The following WDR70 variants were observed in gnomAD, a reference collection of about 807,000 sequenced individuals.
WDR70 encodes the protein WD repeat-containing protein 70.
WDR70 carries 53 observed loss-of-function variants against 88.6 expected under a neutral mutation model. That is an observed-to-expected ratio of 0.60 (90% CI 0.48 to 0.75). The LOEUF is 0.75. WDR70 is among the 30% of genes least tolerant of loss of function. The pLI is 0.00. For synonymous variants in WDR70, 280 were observed against 270.0 expected (o/e 1.04, Z -0.36); for missense variants, 610 against 823.2 (o/e 0.74, Z 3.17).
intron 9 of WDR70, among the ~76,000 whole-genome samples, chr5:37,523,205 G>A (rs1554146534): frequency 1.3e-5 from 2 of 152,224 alleles, no homozygotes; most frequent in South Asian, 2.1e-4. Flanking sequence ...TGACCCCTGA[G>A]TAGCCTAACT....
chr5:37,453,881 T>C (rs1437658956), intron 7 of WDR70, among the ~76,000 whole-genome samples: 1 of 152,130 alleles, frequency 6.6e-6, no homozygotes, highest in Non-Finnish European at 1.5e-5. Flanking sequence ...CACCATACTG[T>C]CAAAAGTAGC....
At chr5:37,575,087 C>T (rs1359006426) in intron 9 of WDR70, among the ~76,000 whole-genome samples, 1 of 152,164 alleles carries the variant, frequency 6.6e-6, no homozygotes, top group Admixed American at 6.6e-5. Context: ...TCTCTGTGTC[C>T]ACAGCGCCCA....
rs188622952 is a variant in WDR70, at chr5:37,502,732, G to A, written c.841-13782G>A. Among the ~76,000 whole-genome samples the A allele has an allele frequency of 2.9e-3, 439 of 152,286 alleles. 2 individuals carry two copies. The highest frequency in any genetic ancestry group is 4.7e-3 in the Non-Finnish European group (318 of 68,020). The stretch of plus-strand genomic sequence containing the variant: ...GCATGGCACCAGCATCTGCTTTTGG[G>A]GAGGCCTGGGGAAGCTTTTACTCGT... On this transcript the variant is annotated intron_variant, in intron 8 of 17. Transcript: ENST00000265107.
At chr5:37,556,643 G>C (rs1282703081) in intron 9 of WDR70, among the ~76,000 whole-genome samples, 1 of 152,100 alleles carries the variant, frequency 6.6e-6, no homozygotes, top group African/African-American at 2.4e-5. Context: ...ATTTTATGCA[G>C]CTGTTAACAT....
intron 13 of WDR70, among the ~76,000 whole-genome samples, chr5:37,718,401 C>A (rs920354670): frequency 6.6e-6 from 1 of 152,238 alleles, no homozygotes; most frequent in Non-Finnish European, 1.5e-5. Flanking sequence ...AATTCTGCAC[C>A]CTGCTCACTT....
intron 9 of WDR70, among the ~76,000 whole-genome samples, chr5:37,557,823 G>A (rs1742335903): frequency 7.2e-5 from 2 of 27,886 alleles, no homozygotes; most frequent in African/African-American, 1.4e-4. Flanking sequence ...CCTTGCCAGA[G>A]TTGACTATAT....
intron 10 of WDR70, among the ~76,000 whole-genome samples, chr5:37,692,634 A>T (rs113078979): frequency 1.3e-5 from 2 of 152,202 alleles, no homozygotes; most frequent in African/African-American, 4.8e-5. Context: ...ATCTCAATAG[A>T]TGCAGAAAAG....
intron 17 of WDR70, among the ~76,000 whole-genome samples, chr5:37,751,621 T>C (rs1420393364): frequency 2.0e-5 from 3 of 152,224 alleles, no homozygotes; most frequent in African/African-American, 7.2e-5. Flanking sequence ...TACGTGGATA[T>C]AATGATTCTA....
rs148881925 is a variant in WDR70, at chr5:37,541,272, T to C, written c.917+24682T>C. ...TGAAAGGAAAAGTAAACCAGTAAAG[T>C]TAAGGACTTAATGAATGATTTTTTT... On this transcript the variant is annotated intron_variant, in intron 9 of 17. Coordinates refer to ENST00000265107, the MANE Select transcript of WDR70 (RefSeq NM_018034.4). 3.3e-3 allele frequency among the ~76,000 whole-genome samples: 505 copies of C among 152,282 alleles called. 2 individuals carry two copies. Among genetic ancestry groups the C allele is most frequent in the African/African-American group, 0.012 (482 of 41,536 alleles).
At chr5:37,575,829 C>G (rs1476174752) in intron 9 of WDR70, among the ~76,000 whole-genome samples, 1 of 152,178 alleles carries the variant, frequency 6.6e-6, no homozygotes, top group Non-Finnish European at 1.5e-5. Flanking sequence ...GCAAACCAAA[C>G]TTGCGATTGG....
At chr5:37,521,536 T>C (rs775887704) in intron 9 of WDR70, among the ~76,000 whole-genome samples, 1 of 152,208 alleles carries the variant, frequency 6.6e-6, no homozygotes, top group African/African-American at 2.4e-5. Context: ...ATCATTCTTA[T>C]GCCTTTGTGT....
chr5:37,693,121 A>G (rs1233340293), intron 10 of WDR70, among the ~76,000 whole-genome samples: 1 of 152,190 alleles, frequency 6.6e-6, no homozygotes, highest in Non-Finnish European at 1.5e-5. Flanking sequence ...AATTGCTACA[A>G]AGAGAATAAA....
intron 7 of WDR70, among the ~76,000 whole-genome samples, chr5:37,452,872 T>C (rs1176325901): frequency 6.6e-6 from 1 of 152,156 alleles, no homozygotes; most frequent in Non-Finnish European, 1.5e-5. Flanking sequence ...AACGCCCCCA[T>C]AGCTATTCAG....
At chr5:37,586,964 C>T (rs1004242402) in intron 9 of WDR70, among the ~76,000 whole-genome samples, 1 of 152,176 alleles carries the variant, frequency 6.6e-6, no homozygotes, top group Non-Finnish European at 1.5e-5. Flanking sequence ...CTATCTTATA[C>T]CATATCTTCC....
intron 13 of WDR70, among the ~76,000 whole-genome samples, chr5:37,715,041 C>A (rs1002012750): frequency 6.6e-6 from 1 of 152,102 alleles, no homozygotes; most frequent in South Asian, 2.1e-4. Flanking sequence ...TTAGTGGTTA[C>A]CTTTATTTTA....
At chr5:37,712,967 G>A (rs948210606) in intron 13 of WDR70, among the ~76,000 whole-genome samples, 21 of 152,110 alleles carry the variant, frequency 1.4e-4, no homozygotes, top group African/African-American at 3.6e-4. Context: ...CTCCCAAGGC[G>A]ATGAGTGAGC....
In WDR70 at chr5:37,492,342, C is replaced by T. The variant is rs1033259584; in HGVS notation, c.840+12355C>T. On this transcript the variant is annotated intron_variant, in intron 8 of 17. Transcript: ENST00000265107. Reference sequence around the variant, plus strand: ...ATATTTACTCATTTGTTCAGTGTTACAGTACATGGAAAGTAGTTTCAGAAT... The same window carrying T: ...ATATTTACTCATTTGTTCAGTGTTATAGTACATGGAAAGTAGTTTCAGAAT... Among the ~76,000 whole-genome samples, 6 of 152,282 alleles carry T rather than the reference C, an allele frequency of 3.9e-5. No homozygotes were observed. The East Asian group carries it at 7.7e-4, about 20-fold the overall frequency.
intron 5 of WDR70, among the ~76,000 whole-genome samples, chr5:37,397,206 TG>T (rs1330134732): frequency 7.4e-6 from 1 of 135,400 alleles, no homozygotes; most frequent in East Asian, 2.4e-4. Context: ...ACTGACAGCC[TG>T]TATTGAAAGA....
intron 5 of WDR70, among the ~76,000 whole-genome samples, chr5:37,411,486 G>A (rs1275494842): frequency 6.6e-6 from 1 of 152,124 alleles, no homozygotes; most frequent in Non-Finnish European, 1.5e-5. Context: ...AACACTTTGG[G>A]AGGCCAGGGC....
Sources: gnomAD v4.1 joint callset for allele counts (sites outside exome capture counted in the v4.1 genomes callset) on GRCh38, gnomAD v4.1.1 for gene constraint, MANE v1.5 for transcripts, NCBI Gene and HGNC (gene_info 2026-07-23, HGNC 2026-07-21) for gene names.